The following NHEJ1 variants were observed in gnomAD, a reference collection of about 807,000 sequenced individuals.
NHEJ1 encodes non-homologous end-joining factor 1.
NHEJ1 carries 22 observed loss-of-function variants against 39.4 expected under a neutral mutation model. The observed-to-expected ratio is 0.56, with a 90% CI of 0.40 to 0.80. The LOEUF is 0.80. Among genes scored for constraint, NHEJ1 ranks in the 30% least tolerant of loss-of-function variants. The pLI, the probability that NHEJ1 is intolerant of heterozygous loss-of-function variation, is 0.00. For synonymous variants in NHEJ1, 154 were observed against 135.6 expected, an observed-to-expected ratio of 1.14 and a Z score of -0.94; for missense variants, 329 against 357.1, an observed-to-expected ratio of 0.92 and a Z score of 0.63.
chr2:219,157,991 TCACACACACACACACACACACA>T (rs58103413), intron 2 of NHEJ1, among the ~76,000 whole-genome samples, 173 bp downstream of exon 2: 9 of 99,174 alleles, frequency 9.1e-5, no homozygotes, highest in African/African-American at 2.7e-4. Context: ...TCTCTCTCTC[TCACACACACACACACACACACA>T]CACACACACA....
Position 219,070,501 on chromosome 2 carries a change from A to T in NHEJ1, c.*5880T>A, listed in dbSNP as rs899295448. Among the ~76,000 whole-genome samples the T allele has an allele frequency of 6.6e-6, 1 of 150,892 alleles. No individual in the cohort carries two copies. Among genetic ancestry groups the T allele is most frequent in the African/African-American group, 2.4e-5 (1 of 40,916 alleles). ...GCCACTGCGCCTGGCCCACCACGCT[A>T]ATTTTAAAAATGTTTTGCAAAGACA... On this transcript the variant is annotated 3_prime_UTR_variant, in exon 8 of 8. Coordinates refer to ENST00000356853, the MANE Select transcript of NHEJ1 (RefSeq NM_024782.3).
chr2:219,084,533 G>T (rs1949095295), intron 5 of NHEJ1, among the ~76,000 whole-genome samples: 1 of 152,196 alleles, frequency 6.6e-6, no homozygotes, highest in African/African-American at 2.4e-5. Context: ...CTCTAGCAAT[G>T]ACTGAGGCAG....
chr2:219,148,895 T>A (rs943663112), intron 3 of NHEJ1, among the ~76,000 whole-genome samples: 15 of 152,040 alleles, frequency 9.9e-5, no homozygotes, highest in Admixed American at 5.2e-4. Flanking sequence ...CCCCTTTTTT[T>A]TTTTTGAGAA....
chr2:219,087,057 G>A (rs1949118456), intron 5 of NHEJ1, among the ~76,000 whole-genome samples: 1 of 152,140 alleles, frequency 6.6e-6, no homozygotes, highest in Non-Finnish European at 1.5e-5. Context: ...AAGTGTAGGA[G>A]CAACTCTCAT....
chr2:219,095,999 A>G (rs1201325490), intron 5 of NHEJ1, among the ~76,000 whole-genome samples: 1 of 152,156 alleles, frequency 6.6e-6, no homozygotes, highest in African/African-American at 2.4e-5. Context: ...ATCAAGAAAC[A>G]TTTCCTAAAA....
chr2:219,159,564 CAT>C (rs373610993), intron 1 of NHEJ1, among the ~76,000 whole-genome samples: 31,213 of 61,556 alleles, frequency 0.51, 7,812 homozygotes, highest in South Asian at 0.62. Context: ...TATATATATG[CAT>C]ATATATATGC....
intron 7 of NHEJ1, 98 bp downstream of exon 7, chr2:219,077,148 A>G: frequency 1.2e-6 from 1 of 869,004 alleles, no homozygotes; most frequent in African/African-American, 1.6e-5. Context: ...AATATTTTTG[A>G]GGCAGTGCCA....
At chr2:219,116,119 AAAC>A (rs1299891113) in intron 5 of NHEJ1, among the ~76,000 whole-genome samples, 2 of 152,168 alleles carry the variant, frequency 1.3e-5, no homozygotes, top group Non-Finnish European at 2.9e-5. Context: ...ACTCCAACTC[AAAC>A]AACAACATCA....
chr2:219,097,461 T>C (rs1429465163), intron 5 of NHEJ1, among the ~76,000 whole-genome samples: 1 of 152,176 alleles, frequency 6.6e-6, no homozygotes, highest in East Asian at 1.9e-4. Flanking sequence ...CCAAGATTTA[T>C]TTGTTTCAGA....
rs575683684 is a variant in NHEJ1 at position 219,077,037 on chromosome 2, C to T, written c.825+209G>A. 9.2e-5 allele frequency among the ~76,000 whole-genome samples: 14 copies of T among 152,308 alleles called. No homozygotes were observed. The South Asian group carries it at 2.5e-3, about 27-fold the overall frequency. On this transcript the variant is annotated intron_variant, in intron 7 of 7. Transcript: ENST00000356853. ...GAAAGAGGAGTCAAGGCACATCATT[C>T]GTACAAGACCTACAGAGAAGGGACA...
chr2:219,148,986 C>T (rs575733827), intron 3 of NHEJ1, among the ~76,000 whole-genome samples: 1 of 151,928 alleles, frequency 6.6e-6, no homozygotes, highest in South Asian at 2.1e-4. Context: ...CAGGTTCAAG[C>T]GATTCTCCTG....
At chr2:219,106,430 G>A (rs1221763812) in intron 5 of NHEJ1, among the ~76,000 whole-genome samples, 2 of 152,190 alleles carry the variant, frequency 1.3e-5, no homozygotes, top group Admixed American at 1.3e-4. Flanking sequence ...ACACCCAAGA[G>A]GGGAGGAATT....
Position 219,074,315 on chromosome 2 carries a change from A to G in NHEJ1, c.*2066T>C, listed in dbSNP as rs1310497134. ...CCCCGCTGTGATGAAAAATGTCTTG[A>G]GTCTGTGCTGTTACAGTACAGGGAA... On this transcript the variant is annotated 3_prime_UTR_variant, in exon 8 of 8. Coordinates refer to ENST00000356853, the MANE Select transcript of NHEJ1 (RefSeq NM_024782.3). Among the ~76,000 whole-genome samples, 2 of 152,200 alleles carry G rather than the reference A, an allele frequency of 1.3e-5. No homozygotes were observed. Among genetic ancestry groups the G allele is most frequent in the African/African-American group, 4.8e-5 (2 of 41,458 alleles).
At position 219,074,294 on chromosome 2, in the gene NHEJ1, G is replaced by A. The variant is rs190243548; in HGVS notation, c.*2087C>T. 6.6e-5 allele frequency among the ~76,000 whole-genome samples: 10 copies of A among 152,242 alleles called. No individual in the cohort carries two copies. In the East Asian group the frequency reaches 1.2e-3, roughly 18 times the overall value. ...GAGGGATTCACAGGCCTCTGGCCCC[G>A]CTGTGATGAAAAATGTCTTGAGTCT... is the stretch of plus-strand genomic sequence containing the variant. On this transcript the variant is annotated 3_prime_UTR_variant, in exon 8 of 8. Coordinates refer to ENST00000356853, the MANE Select transcript of NHEJ1 (RefSeq NM_024782.3).
At chr2:219,115,949 G>A (rs113150072) in intron 5 of NHEJ1, among the ~76,000 whole-genome samples, 2,946 of 152,186 alleles carry the variant, frequency 0.019, 45 homozygotes, top group South Asian at 0.036. Flanking sequence ...GTGAAACTCT[G>A]CCTCTACTAA....
chr2:219,117,012 G>A (rs999662163), intron 5 of NHEJ1, among the ~76,000 whole-genome samples: 27 of 152,050 alleles, frequency 1.8e-4, no homozygotes, highest in African/African-American at 5.8e-4. Flanking sequence ...AAGAGGAGAG[G>A]CCTCTCTTCC....
At chr2:219,119,822 T>C (rs1949454546) in intron 5 of NHEJ1, among the ~76,000 whole-genome samples, 1 of 152,210 alleles carries the variant, frequency 6.6e-6, no homozygotes, top group Admixed American at 6.5e-5. Flanking sequence ...TCCTGTTTCC[T>C]TGGACCCTAA....
At chr2:219,080,075 G>C (rs1035841066) in intron 5 of NHEJ1, among the ~76,000 whole-genome samples, 1 of 152,180 alleles carries the variant, frequency 6.6e-6, no homozygotes. Flanking sequence ...CGAAGTGCTA[G>C]AAATGCTGCA....
intron 5 of NHEJ1, among the ~76,000 whole-genome samples, chr2:219,083,215 T>C (rs1391200764): frequency 1.3e-5 from 2 of 152,152 alleles, no homozygotes; most frequent in African/African-American, 4.8e-5. Flanking sequence ...CCAACAAATA[T>C]ATAGCTAATT....
Sources: allele counts gnomAD v4.1 joint callset (sites outside exome capture counted in the v4.1 genomes callset), GRCh38; gene constraint gnomAD v4.1.1; transcripts MANE v1.5; gene names NCBI Gene and HGNC (gene_info 2026-07-23, HGNC 2026-07-21).